Variants in MAN2A1 observed in about 807,000 individuals in gnomAD.
The protein encoded by MAN2A1 is mannosidase alpha class 2A member 1.
Under a neutral mutation model 142.6 loss-of-function variants are expected in MAN2A1, and 76 were observed. The observed-to-expected ratio is 0.53, with a 90% CI of 0.44 to 0.65. MAN2A1 has a LOEUF of 0.65. MAN2A1 is among the 30% of genes least tolerant of loss of function. The pLI is 0.00. For missense variants in MAN2A1, 1,311 were observed against 1,365.1 expected (o/e 0.96, Z 0.62); for synonymous variants, 559 against 473.2 (o/e 1.18, Z -2.35).
chr5:109,690,910 G>A (rs939497251), intron 1 of MAN2A1, among the ~76,000 whole-genome samples: 1 of 152,164 alleles, frequency 6.6e-6, no homozygotes, highest in Admixed American at 6.5e-5. Context: ...CGCGTATCCC[G>A]GTGGGGTCGT....
chr5:109,690,471 G>T lies in MAN2A1; in HGVS notation c.54G>T (p.Val18=). 1 of 1,614,058 alleles carries T rather than the reference G, an allele frequency of 6.2e-7. No homozygotes were observed. Among genetic ancestry groups the T allele is most frequent in the Non-Finnish European group, 8.5e-7 (1 of 1,179,948 alleles). ...TVFGSAIFCV[V]IFSLYLMLDR... is the part of the protein sequence containing the mutation. Reference sequence around the variant, plus strand: ...TCGGCAGTGCGATCTTCTGTGTGGTGATTTTCTCGCTCTACCTGATGCTGG... The same window carrying T: ...TCGGCAGTGCGATCTTCTGTGTGGTTATTTTCTCGCTCTACCTGATGCTGG... The change falls in exon 1 of 22, where the codon GTG becomes GTT. Residue 18 remains valine, a synonymous_variant. Transcript: ENST00000261483.
intron 4 of MAN2A1, among the ~76,000 whole-genome samples, chr5:109,746,579 T>G (rs1752412275): frequency 6.6e-6 from 1 of 151,826 alleles, no homozygotes; most frequent in Non-Finnish European, 1.5e-5. Flanking sequence ...CTGGTTTTTT[T>G]TTTTTTTTTT....
intron 20 of MAN2A1, among the ~76,000 whole-genome samples, chr5:109,859,904 C>T: frequency 6.7e-6 from 1 of 149,354 alleles, no homozygotes; most frequent in Middle Eastern, 3.2e-3. Flanking sequence ...ATTATTTCCA[C>T]AGCTTTTATA....
chr5:109,813,053 C>T (rs1004909423), intron 12 of MAN2A1, among the ~76,000 whole-genome samples: 1 of 152,032 alleles, frequency 6.6e-6, no homozygotes, highest in Non-Finnish European at 1.5e-5. Context: ...ATGTAAGTTG[C>T]TTTTAAAATG....
chr5:109,819,899 A>G lies in MAN2A1; in HGVS notation c.2328+12A>G. ...CTGGACTTATGAAGGTATGTTCTGAATAGTTCTAAAATTCATAGAATGCTT... is the reference window on the plus strand; with the variant it reads ...CTGGACTTATGAAGGTATGTTCTGAGTAGTTCTAAAATTCATAGAATGCTT... On this transcript the variant is annotated intron_variant, in intron 14 of 21. Coordinates refer to ENST00000261483, the MANE Select transcript of MAN2A1 (RefSeq NM_002372.4). 5 of 1,513,318 alleles carry G rather than the reference A, an allele frequency of 3.3e-6. No individual in the cohort carries two copies. The highest frequency in any genetic ancestry group is 4.5e-6 in the Non-Finnish European group (5 of 1,119,882). The allele number at this position is 1,513,318 out of a possible 1,614,324, so 93.7% of individuals were successfully genotyped here.
At chr5:109,801,441 A>C (rs963398040) in intron 12 of MAN2A1, among the ~76,000 whole-genome samples, 3 of 152,218 alleles carry the variant, frequency 2.0e-5, no homozygotes, top group African/African-American at 7.2e-5. Flanking sequence ...TGCATCTAGC[A>C]TGGGGAAGCA....
chr5:109,811,573 C>CGTGTGTGTGT (rs70999943), intron 12 of MAN2A1, among the ~76,000 whole-genome samples: 8 of 145,014 alleles, frequency 5.5e-5, no homozygotes, highest in East Asian at 2.0e-4. Context: ...TCCTAACAGC[C>CGTGTGTGTGT]GTGTGTGTGT....
chr5:109,785,453 T>C (rs994548778), intron 10 of MAN2A1, among the ~76,000 whole-genome samples: 3 of 151,974 alleles, frequency 2.0e-5, no homozygotes, highest in African/African-American at 4.8e-5. Flanking sequence ...ATATAAGCCA[T>C]TGGGAATGAG....
intron 20 of MAN2A1, among the ~76,000 whole-genome samples, chr5:109,858,851 G>C (rs1332561764): frequency 6.6e-6 from 1 of 152,260 alleles, no homozygotes; most frequent in East Asian, 1.9e-4. Context: ...CCTGGGATAA[G>C]GGGTTATAGA....
intron 18 of MAN2A1, 97 bp from the exon 19 acceptor site, chr5:109,847,560 G>C: frequency 1.8e-6 from 2 of 1,096,154 alleles, no homozygotes; most frequent in Non-Finnish European, 2.4e-6. Context: ...AGGAAATTTA[G>C]AGCAATACAT....
At chr5:109,810,660 G>A (rs997642452) in intron 12 of MAN2A1, among the ~76,000 whole-genome samples, 6 of 152,176 alleles carry the variant, frequency 3.9e-5, no homozygotes, top group African/African-American at 1.2e-4. Flanking sequence ...ACTAGGTTTT[G>A]CATGGAACTC....
intron 3 of MAN2A1, among the ~76,000 whole-genome samples, chr5:109,724,683 A>C (rs1209686992): frequency 1.3e-5 from 2 of 152,190 alleles, no homozygotes; most frequent in Non-Finnish European, 2.9e-5. Context: ...GTTATTAATA[A>C]AAATAAAAAG....
chr5:109,784,551 G>A (rs1362772778), intron 9 of MAN2A1, among the ~76,000 whole-genome samples, 193 bp from the exon 10 acceptor site: 2 of 152,092 alleles, frequency 1.3e-5, no homozygotes, highest in African/African-American at 2.4e-5. Context: ...ATTCTTTGAT[G>A]ATTGAGAACG....
chr5:109,842,580 A>G, intron 17 of MAN2A1, 119 bp downstream of exon 17: 1 of 603,230 alleles, frequency 1.7e-6, no homozygotes, highest in South Asian at 4.7e-5. Context: ...TGCAAATTAT[A>G]TCTAAAATAA....
rs377766488 is a variant in MAN2A1 at position 109,767,519 on chromosome 5, T to G, written c.836-16T>G. 4.4e-6 allele frequency: 7 copies of G among 1,599,780 alleles called. No individual in the cohort carries two copies. Among genetic ancestry groups the G allele is most frequent in the East Asian group, 2.2e-5 (1 of 44,774 alleles). Reference sequence around the variant, plus strand: ...TATCAATTAAAAAAATTAACACTTATCATCTTTATCCACAGGAGTGAAACC... The same window carrying G: ...TATCAATTAAAAAAATTAACACTTAGCATCTTTATCCACAGGAGTGAAACC... On this transcript the variant is annotated splice_polypyrimidine_tract_variant and intron_variant, in intron 5 of 21. Coordinates refer to ENST00000261483, the MANE Select transcript of MAN2A1 (RefSeq NM_002372.4).
Position 109,812,246 on chromosome 5 carries a change from T to C in MAN2A1, c.1944-5027T>C, listed in dbSNP as rs1342994293. On this transcript the variant is annotated intron_variant, in intron 12 of 21. Transcript: ENST00000261483. Reference sequence around the variant, plus strand: ...GAAGTGAAATAACTTGTCCAAAGCCTCTGAAACTCTAAGTGACATGGTGGG... The same window carrying C: ...GAAGTGAAATAACTTGTCCAAAGCCCCTGAAACTCTAAGTGACATGGTGGG... 2.6e-5 allele frequency among the ~76,000 whole-genome samples: 4 copies of C among 152,180 alleles called. No homozygotes were observed. In the South Asian group the frequency reaches 6.2e-4, roughly 24 times the overall value.
chr5:109,803,378 A>G (rs1279201779), intron 12 of MAN2A1, among the ~76,000 whole-genome samples: 1 of 152,028 alleles, frequency 6.6e-6, no homozygotes, highest in Non-Finnish European at 1.5e-5. Flanking sequence ...TAATTAACTA[A>G]TTGCATGGTT....
At chr5:109,726,231 C>G (rs1751740828) in intron 3 of MAN2A1, among the ~76,000 whole-genome samples, 1 of 152,128 alleles carries the variant, frequency 6.6e-6, no homozygotes, top group African/African-American at 2.4e-5. Context: ...CATGAAAATT[C>G]ATCCCCTACC....
intron 4 of MAN2A1, among the ~76,000 whole-genome samples, chr5:109,750,966 C>T (rs1752528520): frequency 6.6e-6 from 1 of 152,054 alleles, no homozygotes; most frequent in Non-Finnish European, 1.5e-5. Context: ...AGTATCATTT[C>T]TAAGTGTTGG....
Sources: gnomAD v4.1 joint callset for allele counts (sites outside exome capture counted in the v4.1 genomes callset) on GRCh38, gnomAD v4.1.1 for gene constraint, MANE v1.5 for transcripts, NCBI Gene and HGNC (gene_info 2026-07-23, HGNC 2026-07-21) for gene names.